Variants in PHF24 observed in about 807,000 individuals in gnomAD.
The protein encoded by PHF24 is Galpha inhibitory interacting protein.
A neutral mutation model predicts 42.6 loss-of-function variants in PHF24; 25 were observed. The ratio of observed to expected loss-of-function variants is 0.59; its 90% CI spans 0.43 to 0.82. The LOEUF is 0.82. PHF24 is among the 40% of genes least tolerant of loss of function. The pLI, the probability that PHF24 is intolerant of heterozygous loss-of-function variation, is 0.00. For missense variants in PHF24, 470 were observed against 538.1 expected (o/e 0.87, Z 1.25); for synonymous variants, 185 against 204.8 (o/e 0.90, Z 0.83).
At chr9:34,729,538 C>A in the PHF24 span, 1 of 1,169,400 alleles carries the variant, frequency 8.6e-7, no homozygotes, top group East Asian at 2.6e-5. Context: ...TCACAGAGGA[C>A]GGAACTAGGC....
chr9:34,790,303 G>A, the PHF24 span, among the ~76,000 whole-genome samples: 1 of 152,252 alleles, frequency 6.6e-6, no homozygotes, highest in Non-Finnish European at 1.5e-5. Flanking sequence ...TCTCGTGTAA[G>A]GTTGGGATGG....
chr9:34,767,513 G>C, the PHF24 span, among the ~76,000 whole-genome samples: 2 of 152,264 alleles, frequency 1.3e-5, no homozygotes, highest in Non-Finnish European at 2.9e-5. Context: ...CAAGCCAGGT[G>C]CGGGATATAG....
At chr9:34,911,232 A>C in the PHF24 span, among the ~76,000 whole-genome samples, 1 of 151,892 alleles carries the variant, frequency 6.6e-6, no homozygotes, top group East Asian at 1.9e-4. Context: ...CTATATTTAT[A>C]GGGTTTTCTT....
At chr9:34,849,214 C>T in the PHF24 span, among the ~76,000 whole-genome samples, 49,427 of 148,596 alleles carry the variant, frequency 0.33, 7,364 homozygotes, top group East Asian at 0.62. Context: ...TAAAGTCTCC[C>T]ATTATTATTG....
the PHF24 span, chr9:34,725,657 T>C: frequency 6.5e-7 from 1 of 1,538,400 alleles, no homozygotes; most frequent in Non-Finnish European, 8.8e-7. Context: ...GAGTTGCCTC[T>C]GTAGCAGGTG....
the PHF24 span, among the ~76,000 whole-genome samples, chr9:34,865,246 G>A: frequency 2.3e-4 from 35 of 150,626 alleles, no homozygotes; most frequent in African/African-American, 8.3e-4. Context: ...AGCTTAAAAT[G>A]ATGAATTATA....
At chr9:34,705,139 T>G in the PHF24 span, among the ~76,000 whole-genome samples, 3 of 152,178 alleles carry the variant, frequency 2.0e-5, no homozygotes, top group Admixed American at 2.0e-4. Context: ...TAAATATGAA[T>G]TTTTACTGTA....
chr9:34,937,647 T>TAAAAAAAAAAA, the PHF24 span, among the ~76,000 whole-genome samples: 2 of 142,792 alleles, frequency 1.4e-5, no homozygotes, highest in African/African-American at 5.2e-5. Flanking sequence ...ATGATCAATT[T>TAAAAAAAAAAA]AAAAAAAAAA....
chr9:34,894,615 C>T, the PHF24 span: 1 of 397,568 alleles, frequency 2.5e-6, no homozygotes, highest in African/African-American at 2.1e-5. Flanking sequence ...AGAGTCAGAA[C>T]ACTAAGTCAC....
At chr9:34,751,621 C>T in the PHF24 span, among the ~76,000 whole-genome samples, 2 of 152,174 alleles carry the variant, frequency 1.3e-5, no homozygotes, top group Non-Finnish European at 2.9e-5. Context: ...TAACACCCCA[C>T]TTTCAGCATT....
the PHF24 span, among the ~76,000 whole-genome samples, chr9:34,866,786 G>A: frequency 6.6e-6 from 1 of 152,322 alleles, no homozygotes; most frequent in South Asian, 2.1e-4. Context: ...TTGATAGCCA[G>A]CCTAGCCAGT....
the PHF24 span, among the ~76,000 whole-genome samples, chr9:34,721,674 G>A: frequency 4.6e-5 from 7 of 152,144 alleles, no homozygotes; most frequent in African/African-American, 7.2e-5. Flanking sequence ...GCCTCCCAAA[G>A]TGCCAGGATT....
At chr9:34,676,118 T>C in the PHF24 span, among the ~76,000 whole-genome samples, 1 of 152,180 alleles carries the variant, frequency 6.6e-6, no homozygotes, top group Admixed American at 6.5e-5. Flanking sequence ...GAAGGAGCCA[T>C]GGGGATGGCC....
chr9:34,884,586 G>C, the PHF24 span, among the ~76,000 whole-genome samples: 1 of 152,286 alleles, frequency 6.6e-6, no homozygotes, highest in East Asian at 1.9e-4. Context: ...TTTAGGGGCA[G>C]AGGATGTTTT....
chr9:34,801,621 G>A, the PHF24 span, among the ~76,000 whole-genome samples: 3 of 152,084 alleles, frequency 2.0e-5, no homozygotes, highest in Non-Finnish European at 4.4e-5. Flanking sequence ...CAGCTACTCG[G>A]GAGGCTGAAG....
At chr9:34,886,035 C>A in the PHF24 span, among the ~76,000 whole-genome samples, 1 of 151,900 alleles carries the variant, frequency 6.6e-6, no homozygotes, top group Non-Finnish European at 1.5e-5. Flanking sequence ...TTCTTCTAAT[C>A]CATTATCTCC....
chr9:34,803,210 A>T, the PHF24 span, among the ~76,000 whole-genome samples: 4 of 152,206 alleles, frequency 2.6e-5, no homozygotes, highest in Admixed American at 2.6e-4. Context: ...ACCCAGTATT[A>T]GCATCATCTC....
the PHF24 span, among the ~76,000 whole-genome samples, chr9:34,870,843 TATTC>T: frequency 1.3e-5 from 2 of 152,224 alleles, no homozygotes; most frequent in African/African-American, 2.4e-5. Context: ...TACTAAAGTT[TATTC>T]ATCTATAGAA....
At chr9:34,726,835 G>A in the PHF24 span, 2 of 1,551,652 alleles carry the variant, frequency 1.3e-6, no homozygotes, top group African/African-American at 1.4e-5. Flanking sequence ...GGCAAGAGGA[G>A]CCCTGCAATG....
Sources: allele counts gnomAD v4.1 joint callset (sites outside exome capture counted in the v4.1 genomes callset), GRCh38; gene constraint gnomAD v4.1.1; transcripts MANE v1.5; gene names NCBI Gene and HGNC (gene_info 2026-07-23, HGNC 2026-07-21).